The following MARK1 variants were observed in gnomAD, a reference collection of about 807,000 sequenced individuals.
MARK1 encodes the protein serine/threonine-protein kinase MARK1.
A neutral mutation model predicts 96.3 loss-of-function variants in MARK1; 40 were observed. That is an observed-to-expected ratio of 0.42 (90% CI 0.32 to 0.54). The LOEUF (loss-of-function observed/expected upper bound fraction) is 0.54, where lower values mean the gene tolerates loss of function less well. Among genes scored for constraint, MARK1 ranks in the 20% least tolerant of loss-of-function variants. The pLI is 0.16. For missense variants in MARK1, 719 were observed against 984.6 expected, an observed-to-expected ratio of 0.73 and a Z score of 3.61; for synonymous variants, 317 against 341.2, an observed-to-expected ratio of 0.93 and a Z score of 0.78.
chr1:220,632,804 G>T (rs909393869), intron 11 of MARK1, among the ~76,000 whole-genome samples: 3 of 152,190 alleles, frequency 2.0e-5, no homozygotes, highest in Non-Finnish European at 4.4e-5. Context: ...AAGGCCAGGA[G>T]AACTATAATA....
In MARK1 at chr1:220,653,122, T is replaced by G. The variant is rs1227991405; in HGVS notation, c.1758T>G (p.Ala586=). 1 of 1,614,230 alleles carries G rather than the reference T, an allele frequency of 6.2e-7. No homozygotes were observed. The highest frequency in any genetic ancestry group is 8.5e-7 in the Non-Finnish European group (1 of 1,180,028). Residue 586 remains alanine (A), a synonymous_variant, in exon 16 of 18, where the codon GCT becomes GCG. Transcript: ENST00000366917. ...YRPGTTQRVP[A]ASPSAHSIST... is the part of the protein sequence containing the mutation. The stretch of plus-strand genomic sequence containing the variant: ...GCAGTACAACCCAGAGAGTGCCTGC[T>G]GCTTCCCCATCTGCTCACAGTATTA...
At chr1:220,648,703 A>G (rs2103046650) in intron 13 of MARK1, among the ~76,000 whole-genome samples, 1 of 152,358 alleles carries the variant, frequency 6.6e-6, no homozygotes, top group Non-Finnish European at 1.5e-5. Flanking sequence ...CAAGGAATTA[A>G]GTTATTCATA....
At chr1:220,620,292 C>T (rs1199192445) in intron 9 of MARK1, among the ~76,000 whole-genome samples, 1 of 152,090 alleles carries the variant, frequency 6.6e-6, no homozygotes, top group African/African-American at 2.4e-5. Context: ...ATTTTGAAAG[C>T]TTTCCATCAT....
intron 1 of MARK1, among the ~76,000 whole-genome samples, chr1:220,553,967 G>A (rs1056054378): frequency 6.6e-5 from 10 of 152,180 alleles, no homozygotes; most frequent in African/African-American, 2.2e-4. Context: ...TTCAAAACTG[G>A]CAGGCTTTCA....
At chr1:220,554,738 A>AAACT (rs1383254757) in intron 1 of MARK1, among the ~76,000 whole-genome samples, 2 of 152,198 alleles carry the variant, frequency 1.3e-5, no homozygotes, top group African/African-American at 2.4e-5. Context: ...TAGTGCTGTA[A>AAACT]TTGGCATAAC....
At chr1:220,572,377 G>A (rs1663531338) in intron 1 of MARK1, among the ~76,000 whole-genome samples, 1 of 152,132 alleles carries the variant, frequency 6.6e-6, no homozygotes, top group South Asian at 2.1e-4. Flanking sequence ...AATTAGCTGG[G>A]ATTACAGGCA....
chr1:220,582,832 A>G (rs1354389359), intron 3 of MARK1, among the ~76,000 whole-genome samples: 1 of 152,248 alleles, frequency 6.6e-6, no homozygotes, highest in Non-Finnish European at 1.5e-5. Flanking sequence ...CCAAATAGGC[A>G]TATAAAAATG....
intron 7 of MARK1, 31 bp downstream of exon 7, chr1:220,616,026 A>AC: frequency 8.4e-7 from 1 of 1,184,060 alleles, no homozygotes; most frequent in Non-Finnish European, 1.2e-6. Context: ...TTTTTAAAAA[A>AC]AAAATCGTTA....
intron 3 of MARK1, among the ~76,000 whole-genome samples, chr1:220,588,052 A>G (rs1443905030): frequency 6.6e-6 from 1 of 152,158 alleles, no homozygotes; most frequent in East Asian, 1.9e-4. Context: ...CCAACACTTT[A>G]TATTACCATG....
chr1:220,564,590 G>A (rs1332453731), intron 1 of MARK1, among the ~76,000 whole-genome samples: 1 of 152,068 alleles, frequency 6.6e-6, no homozygotes, highest in African/African-American at 2.4e-5. Flanking sequence ...CAACTCAGGT[G>A]GCCTGAGAAT....
In MARK1 at chr1:220,641,063, CT is replaced by C. The variant is rs531002268; in HGVS notation, c.1470+5039del. Among the ~76,000 whole-genome samples the C allele has an allele frequency of 2.0e-5, 3 of 152,304 alleles. No homozygotes were observed. The South Asian group carries it at 6.2e-4, about 32-fold the overall frequency. ...GGAAAACCCTTGACTAGCCTAGAAA[CT>C]TGGGAGCTAAGTGTTGAGTTTTGAA... is the stretch of plus-strand genomic sequence containing the variant. On this transcript the variant is annotated intron_variant, in intron 13 of 17. Transcript: ENST00000366917.
chr1:220,591,123 C>T (rs370157673), intron 3 of MARK1, among the ~76,000 whole-genome samples: 4 of 152,030 alleles, frequency 2.6e-5, no homozygotes, highest in African/African-American at 7.2e-5. Context: ...CTTTGTAGAA[C>T]GGAATAACTG....
intron 1 of MARK1, among the ~76,000 whole-genome samples, chr1:220,543,948 CATATT>C (rs1661315563): frequency 6.6e-6 from 1 of 152,042 alleles, no homozygotes; most frequent in Admixed American, 6.5e-5. Context: ...TAATTAACCT[CATATT>C]ATGATGAAAA....
intron 2 of MARK1, 79 bp from the exon 3 acceptor site, chr1:220,580,986 C>T (rs1298030543): frequency 1.9e-6 from 1 of 528,964 alleles, no homozygotes; most frequent in Admixed American, 3.8e-5. Context: ...AGGAATGAAA[C>T]AGAAATTGGA....
chr1:220,545,485 A>G (rs917625579), intron 1 of MARK1, among the ~76,000 whole-genome samples: 1 of 117,356 alleles, frequency 8.5e-6, no homozygotes, highest in Admixed American at 1.3e-4. Flanking sequence ...TGCTCAGGCT[A>G]GAGTGCAGTA....
intron 3 of MARK1, among the ~76,000 whole-genome samples, chr1:220,591,849 AGTTTT>A (rs1007953226): frequency 2.0e-5 from 3 of 151,878 alleles, no homozygotes; most frequent in African/African-American, 7.3e-5. Context: ...TACTATTTCC[AGTTTT>A]GTTTTGTTTT....
intron 1 of MARK1, among the ~76,000 whole-genome samples, chr1:220,541,160 C>A (rs1017978985): frequency 6.6e-6 from 1 of 151,976 alleles, no homozygotes; most frequent in Non-Finnish European, 1.5e-5. Context: ...CTAAAACTCC[C>A]AACCTCAAGT....
At chr1:220,562,679 C>CA (rs143114023) in intron 1 of MARK1, among the ~76,000 whole-genome samples, 5 of 150,694 alleles carry the variant, frequency 3.3e-5, no homozygotes, top group African/African-American at 9.8e-5. Context: ...GGACCTCCCT[C>CA]AAAAAAAAAT....
At chr1:220,630,999 T>C in intron 9 of MARK1, 36 bp from the exon 10 acceptor site, 1 of 1,404,270 alleles carries the variant, frequency 7.1e-7, no homozygotes, top group Non-Finnish European at 1.0e-6. Flanking sequence ...CTGAATGTTC[T>C]GATTGACCAC....
Sources: allele counts gnomAD v4.1 joint callset (sites outside exome capture counted in the v4.1 genomes callset), GRCh38; gene constraint gnomAD v4.1.1; transcripts MANE v1.5; gene names NCBI Gene and HGNC (gene_info 2026-07-23, HGNC 2026-07-21).